Variants in MGAM observed in about 807,000 individuals in gnomAD.
The protein encoded by MGAM is maltase-glucoamylase.
A neutral mutation model predicts 358.8 loss-of-function variants in MGAM; 253 were observed. The observed-to-expected ratio is 0.71, with a 90% confidence interval of 0.64 to 0.78. The LOEUF (loss-of-function observed/expected upper bound fraction) is 0.78, where lower values mean the gene tolerates loss of function less well. MGAM is among the 30% of genes least tolerant of loss of function. The pLI is 0.00. For synonymous variants in MGAM, 1,105 were observed against 1,227.1 expected (o/e 0.90, Z 2.08); for missense variants, 3,080 against 3,432.6 (o/e 0.90, Z 2.57).
In MGAM at chr7:142,036,898, A is replaced by G. The variant is rs2007480184; in HGVS notation, c.2152A>G (p.Thr718Ala). 1 of 1,613,398 alleles carries G rather than the reference A, an allele frequency of 6.2e-7. No homozygotes were observed. The highest frequency in any genetic ancestry group is 8.5e-7 in the Non-Finnish European group (1 of 1,179,574). ...CAGGCACTACCTTAACATCCGCTAT[A>G]CTCTATTGCCCTACCTATACACCCT... ...SSRHYLNIRY[T>A]LLPYLYTLFF... Residue 718 changes from threonine to alanine, a missense_variant, in exon 18 of 71, where the codon ACT (threonine) becomes GCT (alanine). Coordinates refer to ENST00000475668, the MANE Select transcript of MGAM (RefSeq NM_001365693.1).
chr7:142,070,838 C>G lies in MGAM; in HGVS notation c.5062-156C>G, dbSNP rs1323258590. Among the ~76,000 whole-genome samples, 2 of 146,360 alleles carry G rather than the reference C, an allele frequency of 1.4e-5. 1 individual carries two copies. Among genetic ancestry groups the G allele is most frequent in the Non-Finnish European group, 3.1e-5 (2 of 64,586 alleles). ...AGCAGCCTTGCGAGGTTTTATGCAG[C>G]ACTGTGCGAATGCAGAATGGGTAAT... On this transcript the variant is annotated intron_variant, in intron 43 of 70. Coordinates refer to ENST00000475668, the MANE Select transcript of MGAM (RefSeq NM_001365693.1).
In MGAM at chr7:142,077,328, G is replaced by A. The variant is rs1361455222; in HGVS notation, c.5493+502G>A. ...ATGAAGGCTGTGCTACTGTGTGTGA[G>A]CATTGTTGGGAGTGGGAGTGGGGGC... On this transcript the variant is annotated intron_variant, in intron 47 of 70. Coordinates refer to ENST00000475668, the MANE Select transcript of MGAM (RefSeq NM_001365693.1). 1.4e-5 allele frequency among the ~76,000 whole-genome samples: 2 copies of A among 145,410 alleles called. 1 individual carries two copies. The highest frequency in any genetic ancestry group is 3.1e-5 in the Non-Finnish European group (2 of 64,238).
rs533682496 is a variant in MGAM, at chr7:142,077,707, G to A, written c.5494-611G>A. Among the ~76,000 whole-genome samples, 22 of 145,038 alleles carry A rather than the reference G, an allele frequency of 1.5e-4. 4 individuals are homozygous for A. In the South Asian group the frequency reaches 4.9e-3, roughly 32 times the overall value. ...TAGAATTCCCAATTTGCCCTGATGT[G>A]ATTATTATTCATTGTATGCCTGAAT... On this transcript the variant is annotated intron_variant, in intron 47 of 70. Coordinates refer to ENST00000475668, the MANE Select transcript of MGAM (RefSeq NM_001365693.1).
Position 142,087,850 on chromosome 7 carries a change from A to C in MGAM, c.6810+1133A>C, listed in dbSNP as rs928890074. ...TGTAATTCTGTTAGCAGCCACTCAG[A>C]AGTCCAGGGGCAAAGACCTCTTTTG... On this transcript the variant is annotated intron_variant, in intron 57 of 70. Transcript: ENST00000475668. Among the ~76,000 whole-genome samples, 3 of 146,504 alleles carry C rather than the reference A, an allele frequency of 2.0e-5. 1 individual carries two copies. The highest frequency in any genetic ancestry group is 6.8e-5 in the Admixed American group (1 of 14,606).
chr7:142,084,721 T>G (rs1002204750), intron 54 of MGAM, 77 bp downstream of exon 54: 1 of 1,481,860 alleles, frequency 6.7e-7, no homozygotes, highest in Non-Finnish European at 9.2e-7. Context: ...TGTCTAATGT[T>G]TGTGAGATTC....
chr7:142,060,216 C>A, intron 33 of MGAM, 95 bp from the exon 34 acceptor site: 1 of 1,516,694 alleles, frequency 6.6e-7, no homozygotes. Context: ...AGTATTATTG[C>A]TCCTAGGAGC....
chr7:142,041,883 CGTATAATATATAATATAT>C, intron 21 of MGAM, among the ~76,000 whole-genome samples: 1 of 68,094 alleles, frequency 1.5e-5, no homozygotes, highest in Admixed American at 2.7e-4. Flanking sequence ...TATATATATA[CGTATAATATATAATATAT>C]ATATTATATA....
intron 17 of MGAM, 123 bp downstream of exon 17, chr7:142,036,408 G>C (rs1808000710): frequency 2.7e-6 from 2 of 741,544 alleles, no homozygotes; most frequent in African/African-American, 1.8e-5. Context: ...ACTCTAATTT[G>C]CACTATCATG....
At chr7:142,025,697 C>T (rs191873926) in intron 8 of MGAM, among the ~76,000 whole-genome samples, 1 of 152,246 alleles carries the variant, frequency 6.6e-6, no homozygotes, top group East Asian at 1.9e-4. Flanking sequence ...GTAAGCAATG[C>T]TGTAGCCTCC....
chr7:142,040,164 A>G lies in MGAM; in HGVS notation c.2366A>G (p.Tyr789Cys). The G allele has an allele frequency of 6.2e-7, 1 of 1,611,620 alleles. No individual in the cohort carries two copies. The highest frequency in any genetic ancestry group is 1.3e-5 in the African/African-American group (1 of 75,020). ...AYVPDAVWYD[Y>C]ETGSQVRWRK... ...GTGCCTGATGCTGTCTGGTATGACT[A>G]CGAGACTGTAAGTAGCTTTGACTTT... The change falls in exon 20 of 71, where the codon TAC becomes TGC. Residue 789 changes from tyrosine (Y) to cysteine (C), a missense_variant. Coordinates refer to ENST00000475668, the MANE Select transcript of MGAM (RefSeq NM_001365693.1).
intron 63 of MGAM, among the ~76,000 whole-genome samples, chr7:142,095,265 G>T (rs1471361620): frequency 6.6e-6 from 1 of 152,162 alleles, no homozygotes; most frequent in Non-Finnish European, 1.5e-5. Flanking sequence ...AAGCCCATGG[G>T]TCTCAGTGAG....
intron 3 of MGAM, among the ~76,000 whole-genome samples, chr7:142,009,875 T>C (rs1237465897): frequency 1.3e-5 from 2 of 152,122 alleles, no homozygotes; most frequent in African/African-American, 4.8e-5. Flanking sequence ...TGGATAATGA[T>C]GTGTTTGTAT....
chr7:142,025,329 G>A (rs1199952744), intron 8 of MGAM, among the ~76,000 whole-genome samples, 180 bp downstream of exon 8: 1 of 152,170 alleles, frequency 6.6e-6, no homozygotes, highest in Non-Finnish European at 1.5e-5. Flanking sequence ...TGGTAGCCAT[G>A]AGTAGGGGAT....
At chr7:142,077,637 C>G (rs904763045) in intron 47 of MGAM, among the ~76,000 whole-genome samples, 4 of 144,770 alleles carry the variant, frequency 2.8e-5, no homozygotes, top group Non-Finnish European at 6.3e-5. Context: ...TTATTTCCAC[C>G]TCTCAATTTT....
intron 55 of MGAM, 57 bp from the exon 56 acceptor site, chr7:142,086,161 G>C: frequency 6.8e-7 from 1 of 1,461,248 alleles, no homozygotes; most frequent in Admixed American, 2.0e-5. Context: ...CCTTCATTCT[G>C]TTTCTCTTCA....
At chr7:142,020,172 G>A (rs1554458001) in intron 4 of MGAM, among the ~76,000 whole-genome samples, 1 of 152,162 alleles carries the variant, frequency 6.6e-6, no homozygotes, top group Non-Finnish European at 1.5e-5. Flanking sequence ...AAAGGAGGAG[G>A]CATGTTCCCC....
At chr7:142,056,754 G>T in intron 29 of MGAM, 76 bp from the exon 30 acceptor site, 1 of 1,418,724 alleles carries the variant, frequency 7.0e-7, no homozygotes, top group Non-Finnish European at 9.8e-7. Context: ...CAGGAAGATG[G>T]AGAATGTGTG....
At chr7:142,001,951 TG>T (rs1804773019) in intron 1 of MGAM, among the ~76,000 whole-genome samples, 1 of 152,294 alleles carries the variant, frequency 6.6e-6, no homozygotes, top group South Asian at 2.1e-4. Flanking sequence ...CAAAAGAAAT[TG>T]TAGTTTCATT....
At position 142,064,523 on chromosome 7, in the gene MGAM, G is replaced by A. The variant is rs1349493871; in HGVS notation, c.4484+1G>A. On this transcript the variant is annotated splice_donor_variant, in intron 37 of 70. Transcript: ENST00000475668. LOFTEE classifies it high-confidence loss of function. ...GGTCCCAGACCAGACCCACATACGA[G>A]TGAGTCTCCGTCTCCCTTCTCCAGC... 6.4e-7 allele frequency: 1 copy of A among 1,569,394 alleles called. No homozygotes were observed.
Sources: allele counts gnomAD v4.1 joint callset (sites outside exome capture counted in the v4.1 genomes callset), GRCh38; gene constraint gnomAD v4.1.1; transcripts MANE v1.5; gene names NCBI Gene and HGNC (gene_info 2026-07-23, HGNC 2026-07-21).